Variants in MYRIP observed in about 807,000 individuals in gnomAD.
MYRIP encodes myosin VIIA and Rab interacting protein.
In MYRIP, 49 loss-of-function variants were observed where a neutral mutation model predicts 98.0. That is an observed-to-expected ratio of 0.50 (90% CI 0.40 to 0.63). MYRIP has a LOEUF of 0.63. Ranked by LOEUF, MYRIP falls within the 30% of genes least tolerant of loss-of-function variation. The pLI is 0.00. For missense variants in MYRIP, 1,004 were observed against 1,058.2 expected, an observed-to-expected ratio of 0.95 and a Z score of 0.71; for synonymous variants, 404 against 409.5, an observed-to-expected ratio of 0.99 and a Z score of 0.16.
intron 3 of MYRIP, among the ~76,000 whole-genome samples, chr3:40,053,169 T>G (rs1309898055): frequency 6.6e-6 from 1 of 152,208 alleles, no homozygotes; most frequent in Non-Finnish European, 1.5e-5. Context: ...ATCAGCCTAG[T>G]GTTGCCCTTC....
At chr3:39,993,533 T>C (rs1946232180) in intron 2 of MYRIP, among the ~76,000 whole-genome samples, 1 of 152,182 alleles carries the variant, frequency 6.6e-6, no homozygotes, top group Non-Finnish European at 1.5e-5. Context: ...GATTCTACTT[T>C]AAATTTTTGA....
At chr3:39,838,282 G>T (rs1396885330) in intron 1 of MYRIP, among the ~76,000 whole-genome samples, 2 of 152,148 alleles carry the variant, frequency 1.3e-5, no homozygotes, top group Non-Finnish European at 2.9e-5. Flanking sequence ...TCCTTGTCTT[G>T]TGCCGGTTTT....
chr3:40,202,390 G>GA (rs1311632527), intron 10 of MYRIP, among the ~76,000 whole-genome samples: 29 of 152,112 alleles, frequency 1.9e-4, no homozygotes, highest in Admixed American at 3.3e-4. Context: ...CTAAATAGGA[G>GA]AAAAAAATGT....
intron 10 of MYRIP, among the ~76,000 whole-genome samples, chr3:40,194,891 A>G (rs1951346213): frequency 6.6e-6 from 1 of 152,198 alleles, no homozygotes; most frequent in Non-Finnish European, 1.5e-5. Context: ...TTTCATGTTT[A>G]CATTTTATAA....
intron 3 of MYRIP, among the ~76,000 whole-genome samples, chr3:40,112,444 C>A (rs2125902783): frequency 6.6e-6 from 1 of 152,314 alleles, no homozygotes; most frequent in African/African-American, 2.4e-5. Context: ...CCTCAATCAG[C>A]AAATTCTAAT....
At chr3:39,895,676 T>A (rs1400494140) in intron 1 of MYRIP, among the ~76,000 whole-genome samples, 1 of 152,200 alleles carries the variant, frequency 6.6e-6, no homozygotes, top group Non-Finnish European at 1.5e-5. Context: ...GACAAATTAA[T>A]CAATAAGAAA....
At chr3:40,120,195 AT>A (rs1480468152) in intron 3 of MYRIP, among the ~76,000 whole-genome samples, 1 of 152,178 alleles carries the variant, frequency 6.6e-6, no homozygotes, top group African/African-American at 2.4e-5. Flanking sequence ...TTTTAGCCTA[AT>A]ATAGCAAAAT....
intron 11 of MYRIP, among the ~76,000 whole-genome samples, chr3:40,229,169 C>A (rs1952572297): frequency 6.6e-6 from 1 of 152,216 alleles, no homozygotes; most frequent in South Asian, 2.1e-4. Context: ...TCTCCCCTGG[C>A]AACACCTTGC....
chr3:39,940,234 C>T (rs912877857), intron 2 of MYRIP, among the ~76,000 whole-genome samples: 1 of 151,880 alleles, frequency 6.6e-6, no homozygotes, highest in African/African-American at 2.4e-5. Flanking sequence ...CCTTTATACT[C>T]TATTGTATTT....
intron 3 of MYRIP, among the ~76,000 whole-genome samples, chr3:40,137,628 A>G (rs1032064850): frequency 6.6e-6 from 1 of 152,170 alleles, no homozygotes; most frequent in Non-Finnish European, 1.5e-5. Flanking sequence ...CGATGCAAAA[A>G]TCCTCAATAA....
At chr3:40,253,261 TAG>T (rs1487741365) in intron 16 of MYRIP, among the ~76,000 whole-genome samples, 3 of 152,280 alleles carry the variant, frequency 2.0e-5, no homozygotes, top group Admixed American at 6.5e-5. Flanking sequence ...TTACCAGTAT[TAG>T]AGTCACTGCC....
intron 1 of MYRIP, among the ~76,000 whole-genome samples, chr3:39,843,663 C>G (rs1941874339): frequency 6.6e-6 from 1 of 152,108 alleles, no homozygotes; most frequent in South Asian, 2.1e-4. Context: ...TAAGTATTCT[C>G]AAGTGATGGA....
chr3:40,081,192 A>T (rs1215713174), intron 3 of MYRIP, among the ~76,000 whole-genome samples: 1 of 152,120 alleles, frequency 6.6e-6, no homozygotes, highest in Non-Finnish European at 1.5e-5. Flanking sequence ...CAGGTGCCTG[A>T]GGAGAATATA....
At chr3:40,062,706 G>T (rs77383716) in intron 3 of MYRIP, among the ~76,000 whole-genome samples, 13,021 of 152,080 alleles carry the variant, frequency 0.086, 637 homozygotes, top group East Asian at 0.22. Flanking sequence ...TACTTGCCAG[G>T]CACCGTGGAA....
chr3:39,876,988 A>G (rs538443138), intron 1 of MYRIP, among the ~76,000 whole-genome samples: 104 of 152,274 alleles, frequency 6.8e-4, no homozygotes, highest in African/African-American at 2.2e-3. Context: ...CCAATCAGAC[A>G]TAGATTTGGT....
At chr3:39,934,200 A>T (rs567598074) in intron 2 of MYRIP, among the ~76,000 whole-genome samples, 1 of 150,878 alleles carries the variant, frequency 6.6e-6, no homozygotes, top group Admixed American at 6.6e-5. Flanking sequence ...ACAAAACTTG[A>T]TGCTGTGCCC....
chr3:39,997,524 T>A (rs562592667), intron 2 of MYRIP, among the ~76,000 whole-genome samples: 24 of 152,236 alleles, frequency 1.6e-4, no homozygotes, highest in Admixed American at 7.2e-4. Flanking sequence ...ACAGGCTCTG[T>A]AATTCAGGCA....
chr3:39,959,813 G>A (rs780061833), intron 2 of MYRIP, among the ~76,000 whole-genome samples: 14 of 152,076 alleles, frequency 9.2e-5, no homozygotes, highest in Non-Finnish European at 1.5e-4. Flanking sequence ...TTGAATAACC[G>A]AAGCAGAGTT....
At chr3:40,159,528 C>T (rs1201682526) in intron 4 of MYRIP, among the ~76,000 whole-genome samples, 8 of 151,242 alleles carry the variant, frequency 5.3e-5, no homozygotes, top group Non-Finnish European at 1.0e-4. Context: ...TTTCCTGAAT[C>T]TGAATGTTGG....
Sources: gnomAD v4.1 joint callset for allele counts (sites outside exome capture counted in the v4.1 genomes callset) on GRCh38, gnomAD v4.1.1 for gene constraint, MANE v1.5 for transcripts, NCBI Gene and HGNC (gene_info 2026-07-23, HGNC 2026-07-21) for gene names.